The following ESRRG variants were observed in gnomAD, a reference collection of about 807,000 sequenced individuals.
ESRRG encodes the protein estrogen-related receptor gamma.
In ESRRG, 13 loss-of-function variants were observed where a neutral mutation model predicts 44.0. The ratio of observed to expected loss-of-function variants is 0.30; its 90% CI spans 0.19 to 0.47. ESRRG has a LOEUF of 0.47. Among genes scored for constraint, ESRRG ranks in the 20% least tolerant of loss-of-function variants. The pLI, the probability that ESRRG is intolerant of heterozygous loss-of-function variation, is 1.00. For missense variants in ESRRG, 395 were observed against 580.6 expected (o/e 0.68, Z 3.29); for synonymous variants, 215 against 214.6 (o/e 1.00, Z -0.02).
intron 1 of ESRRG, among the ~76,000 whole-genome samples, chr1:217,016,962 A>G (rs922813917): frequency 6.6e-6 from 1 of 152,214 alleles, no homozygotes; most frequent in Non-Finnish European, 1.5e-5. Flanking sequence ...TTACTAAGAG[A>G]CATAACCGAA....
At chr1:216,693,524 A>G (rs900125777) in intron 1 of ESRRG, among the ~76,000 whole-genome samples, 1 of 152,228 alleles carries the variant, frequency 6.6e-6, no homozygotes, top group Non-Finnish European at 1.5e-5. Flanking sequence ...CAGATGCTCA[A>G]GTCCCATATA....
chr1:216,877,960 T>C (rs1358895227), intron 2 of ESRRG, among the ~76,000 whole-genome samples: 1 of 152,164 alleles, frequency 6.6e-6, no homozygotes. Flanking sequence ...CACCATTGCA[T>C]GTATGTCATG....
At chr1:216,737,293 C>T (rs1021086085) in intron 2 of ESRRG, among the ~76,000 whole-genome samples, 7 of 152,152 alleles carry the variant, frequency 4.6e-5, no homozygotes, top group South Asian at 4.1e-4. Flanking sequence ...TGTTTTGAGC[C>T]TGGCTTCTGC....
At chr1:216,698,201 A>C (rs2080585335) in intron 1 of ESRRG, among the ~76,000 whole-genome samples, 2 of 152,188 alleles carry the variant, frequency 1.3e-5, no homozygotes, top group Non-Finnish European at 2.9e-5. Context: ...GTTACATATT[A>C]GCTAACTAGT....
upstream of ESRRG, chr1:217,090,672 C>G (rs981690976): frequency 1.3e-5 from 2 of 152,174 alleles, no homozygotes; most frequent in Non-Finnish European, 2.9e-5. Context: ...CAGAGAGAAG[C>G]CCAAACCCCT....
At chr1:217,045,680 G>A (rs943556943) in intron 1 of ESRRG, among the ~76,000 whole-genome samples, 2 of 152,146 alleles carry the variant, frequency 1.3e-5, no homozygotes, top group Admixed American at 1.3e-4. Flanking sequence ...CATGTTAACC[G>A]GGCTTTTCCT....
intron 2 of ESRRG, among the ~76,000 whole-genome samples, chr1:216,778,914 G>T (rs1426004229): frequency 1.3e-5 from 2 of 150,638 alleles, no homozygotes; most frequent in African/African-American, 4.9e-5. Context: ...TATGCAACAG[G>T]TTCTCAGGGG....
intron 1 of ESRRG, among the ~76,000 whole-genome samples, chr1:217,137,449 G>A (rs2093064621): frequency 6.6e-6 from 1 of 152,238 alleles, no homozygotes; most frequent in South Asian, 2.1e-4. Context: ...AGGCGTTTGC[G>A]CGCGTCTCCC....
At chr1:216,937,529 T>C (rs1455901211) in intron 2 of ESRRG, among the ~76,000 whole-genome samples, 3 of 152,200 alleles carry the variant, frequency 2.0e-5, no homozygotes, top group African/African-American at 2.4e-5. Context: ...ACAGATGATA[T>C]CTGTTTTCTC....
chr1:216,898,115 A>G (rs1472903495), intron 2 of ESRRG, among the ~76,000 whole-genome samples: 1 of 152,208 alleles, frequency 6.6e-6, no homozygotes, highest in East Asian at 1.9e-4. Flanking sequence ...TGCAGGGGGA[A>G]AAAATCAGAA....
At chr1:217,106,555 G>A (rs781708139) in intron 1 of ESRRG, among the ~76,000 whole-genome samples, 1 of 152,204 alleles carries the variant, frequency 6.6e-6, no homozygotes, top group Non-Finnish European at 1.5e-5. Flanking sequence ...TATTAAGGAA[G>A]AAGAAAAGCT....
At chr1:216,530,131 A>AAT in intron 5 of ESRRG, among the ~76,000 whole-genome samples, 1 of 147,806 alleles carries the variant, frequency 6.8e-6, no homozygotes, top group East Asian at 2.0e-4. Flanking sequence ...AAAAAAAAAA[A>AAT]AAGGGGGTGG....
chr1:216,666,497 T>G (rs1274236178), intron 2 of ESRRG, among the ~76,000 whole-genome samples: 1 of 152,210 alleles, frequency 6.6e-6, no homozygotes, highest in Non-Finnish European at 1.5e-5. Flanking sequence ...CAGCCTTATT[T>G]GTCATGACTT....
At chr1:216,732,610 C>A (rs987453715) in intron 2 of ESRRG, among the ~76,000 whole-genome samples, 2 of 151,922 alleles carry the variant, frequency 1.3e-5, no homozygotes, top group Non-Finnish European at 2.9e-5. Context: ...TGCCTGACCT[C>A]AGCTGATCTG....
At chr1:216,617,654 A>T (rs1385073900) in intron 3 of ESRRG, among the ~76,000 whole-genome samples, 1 of 152,162 alleles carries the variant, frequency 6.6e-6, no homozygotes, top group Non-Finnish European at 1.5e-5. Flanking sequence ...TGATAACAGA[A>T]ATGCTAATCT....
At chr1:216,530,604 G>A (rs1254419230) in intron 5 of ESRRG, among the ~76,000 whole-genome samples, 1 of 152,032 alleles carries the variant, frequency 6.6e-6, no homozygotes, top group Non-Finnish European at 1.5e-5. Context: ...TGAGAACCTG[G>A]GTCATTTCAT....
At chr1:216,560,004 A>G (rs2058401054) in intron 5 of ESRRG, among the ~76,000 whole-genome samples, 1 of 152,174 alleles carries the variant, frequency 6.6e-6, no homozygotes, top group African/African-American at 2.4e-5. Context: ...AAGCTAAGTC[A>G]ATGAGCAATT....
chr1:216,983,516 T>C (rs1481146895), intron 1 of ESRRG, among the ~76,000 whole-genome samples: 1 of 152,140 alleles, frequency 6.6e-6, no homozygotes, highest in Admixed American at 6.6e-5. Context: ...ACAAACGTGA[T>C]GTACTGATTT....
At chr1:216,604,354 G>A (rs919898830) in intron 3 of ESRRG, among the ~76,000 whole-genome samples, 12 of 152,248 alleles carry the variant, frequency 7.9e-5, no homozygotes, top group South Asian at 4.1e-4. Flanking sequence ...GCCAGTGCTC[G>A]GCTTTCCCAA....
Sources: gnomAD v4.1 joint callset for allele counts (sites outside exome capture counted in the v4.1 genomes callset) on GRCh38, gnomAD v4.1.1 for gene constraint, MANE v1.5 for transcripts, NCBI Gene and HGNC (gene_info 2026-07-23, HGNC 2026-07-21) for gene names.